Variants in TTLL9 observed in about 807,000 individuals in gnomAD.
TTLL9 encodes the protein probable tubulin polyglutamylase TTLL9.
TTLL9 carries 47 observed loss-of-function variants against 65.6 expected under a neutral mutation model. The observed-to-expected ratio is 0.72, with a 90% CI of 0.57 to 0.91. The LOEUF is 0.91. Among genes scored for constraint, TTLL9 ranks in the 40% least tolerant of loss-of-function variants. TTLL9 has a pLI of 0.00. For synonymous variants in TTLL9, 179 were observed against 204.8 expected, an observed-to-expected ratio of 0.87 and a Z score of 1.07; for missense variants, 537 against 568.8, an observed-to-expected ratio of 0.94 and a Z score of 0.57.
chr20:31,903,783 T>C (rs1057240828), intron 4 of TTLL9, among the ~76,000 whole-genome samples: 3 of 152,254 alleles, frequency 2.0e-5, no homozygotes, highest in South Asian at 2.1e-4. Context: ...CACCTTTCCC[T>C]GTTAGCAGCT....
intron 11 of TTLL9, 35 bp downstream of exon 11, chr20:31,933,893 G>A: frequency 1.3e-6 from 2 of 1,596,468 alleles, no homozygotes; most frequent in Non-Finnish European, 1.7e-6. Context: ...CACGGGTACA[G>A]CCCTCTGGCG....
chr20:31,893,348 T>C (rs2063335214), intron 3 of TTLL9, among the ~76,000 whole-genome samples: 1 of 149,030 alleles, frequency 6.7e-6, no homozygotes, highest in Non-Finnish European at 1.5e-5. Context: ...TGGAGTGCAA[T>C]GGTGCAATCT....
chr20:31,885,548 G>A (rs1453288234), intron 2 of TTLL9, among the ~76,000 whole-genome samples: 1 of 152,220 alleles, frequency 6.6e-6, no homozygotes, highest in Non-Finnish European at 1.5e-5. Flanking sequence ...AGGACAGCTT[G>A]ACTAGTGTTG....
At chr20:31,941,204 G>A (rs1481136083) in intron 14 of TTLL9, 5 of 139,526 alleles carry the variant, frequency 3.6e-5, no homozygotes, top group South Asian at 4.6e-4. Flanking sequence ...GCGACAGAGC[G>A]AGACTGTCTC....
intron 4 of TTLL9, among the ~76,000 whole-genome samples, chr20:31,903,041 T>G (rs557479517): frequency 4.6e-4 from 68 of 148,438 alleles, no homozygotes; most frequent in African/African-American, 1.5e-3. Flanking sequence ...ATGTTTTAAG[T>G]TTTTTTTTTG....
chr20:31,925,166 C>A, intron 9 of TTLL9, 117 bp downstream of exon 9: 1 of 1,084,496 alleles, frequency 9.2e-7, no homozygotes, highest in Non-Finnish European at 1.4e-6. Flanking sequence ...TTTATCTCTC[C>A]CTGGGAGATC....
intron 11 of TTLL9, chr20:31,934,232 C>T: frequency 1.2e-5 from 6 of 485,538 alleles, no homozygotes; most frequent in South Asian, 9.5e-5. Flanking sequence ...ATACAGAATT[C>T]TCAGACTTCT....
At position 31,937,614 on chromosome 20, in the gene TTLL9, G is replaced by A. The variant is rs536823410; in HGVS notation, c.1118+105G>A. 5.5e-4 allele frequency: 469 copies of A among 852,568 alleles called. 1 individual carries two copies. In the Middle Eastern group the frequency reaches 8.8e-3, roughly 16 times the overall value. 52.8% of individuals were successfully genotyped at this position (852,568 alleles called of 1,614,324 possible). ...CCTTGGGGCCTGAGTGGCCCTCAGC[G>A]ATGGCTCTGGCCTGCCCCACCACTT... is the stretch of plus-strand genomic sequence containing the variant. On this transcript the variant is annotated intron_variant, in intron 13 of 14. Transcript: ENST00000535842.
intron 2 of TTLL9, chr20:31,879,709 T>C: frequency 2.8e-6 from 3 of 1,075,216 alleles, no homozygotes; most frequent in South Asian, 3.3e-5. Context: ...GGACGCCCAA[T>C]AGCCTCCAGA....
intron 4 of TTLL9, among the ~76,000 whole-genome samples, chr20:31,904,667 G>A (rs2063525992): frequency 1.3e-5 from 2 of 151,968 alleles, no homozygotes; most frequent in Admixed American, 1.3e-4. Flanking sequence ...CTTTTTTAAG[G>A]ATTCTTGCCT....
intron 6 of TTLL9, among the ~76,000 whole-genome samples, chr20:31,914,324 A>G (rs2063701169): frequency 6.6e-6 from 1 of 152,188 alleles, no homozygotes; most frequent in African/African-American, 2.4e-5. Context: ...ATCTGGTGAA[A>G]TGTGTGGACC....
chr20:31,872,770 A>G (rs2123347435), intron 2 of TTLL9, among the ~76,000 whole-genome samples: 2 of 152,352 alleles, frequency 1.3e-5, no homozygotes, highest in Non-Finnish European at 2.9e-5. Flanking sequence ...CATGGGCAAA[A>G]GCCCTATGAT....
intron 2 of TTLL9, among the ~76,000 whole-genome samples, chr20:31,881,717 T>C (rs2063120529): frequency 6.6e-6 from 1 of 151,220 alleles, no homozygotes; most frequent in African/African-American, 2.4e-5. Context: ...GTGATCCTCC[T>C]GCCTCAGCTT....
intron 13 of TTLL9, among the ~76,000 whole-genome samples, chr20:31,937,956 A>T (rs1024179515): frequency 6.6e-6 from 1 of 151,824 alleles, no homozygotes; most frequent in Non-Finnish European, 1.5e-5. Context: ...GCAGAAAAAA[A>T]AAAAAACCCA....
At position 31,937,402 on chromosome 20, in the gene TTLL9, C is replaced by T. The variant is rs758588937; in HGVS notation, c.1011C>T (p.Leu337=). The T allele has an allele frequency of 5.6e-6, 9 of 1,613,434 alleles. No individual in the cohort carries two copies. The highest frequency in any genetic ancestry group is 1.7e-5 in the Admixed American group (1 of 59,978). Residue 337 remains leucine, a synonymous_variant, in exon 13 of 15, where the codon CTC becomes CTT. Transcript: ENST00000535842. Reference sequence around the variant, plus strand: ...TACTCCCCTCCCTTCCCAGGTGGCTCCTGGAGGTCAATGCGTCCCCATCAC... The same window carrying T: ...TACTCCCCTCCCTTCCCAGGTGGCTTCTGGAGGTCAATGCGTCCCCATCAC... ...ILIDQDLKPW[L]LEVNASPSLT... is the part of the protein sequence containing the mutation.
At chr20:31,906,205 C>T (rs1417182525) in intron 4 of TTLL9, among the ~76,000 whole-genome samples, 1 of 152,178 alleles carries the variant, frequency 6.6e-6, no homozygotes, top group African/African-American at 2.4e-5. Flanking sequence ...GTCAGGGACT[C>T]TTACAGGACA....
At chr20:31,884,473 T>G (rs1295361981) in intron 2 of TTLL9, among the ~76,000 whole-genome samples, 1 of 152,174 alleles carries the variant, frequency 6.6e-6, no homozygotes, top group Non-Finnish European at 1.5e-5. Flanking sequence ...ATGATCTGCC[T>G]GCTTCGGCCT....
chr20:31,934,049 A>C (rs1175966649), intron 11 of TTLL9, among the ~76,000 whole-genome samples, 191 bp downstream of exon 11: 1 of 152,244 alleles, frequency 6.6e-6, no homozygotes, highest in African/African-American at 2.4e-5. Flanking sequence ...CATGTGTCTC[A>C]GTATTTAAAA....
chr20:31,881,828 C>T (rs762033817), intron 2 of TTLL9, among the ~76,000 whole-genome samples: 10 of 152,096 alleles, frequency 6.6e-5, no homozygotes, highest in African/African-American at 1.4e-4. Context: ...AAAGGAAGGA[C>T]GAACTGCAGG....
Sources: allele counts gnomAD v4.1 joint callset (sites outside exome capture counted in the v4.1 genomes callset), GRCh38; gene constraint gnomAD v4.1.1; transcripts MANE v1.5; gene names NCBI Gene and HGNC (gene_info 2026-07-23, HGNC 2026-07-21).